The following CCR6 variants were observed in gnomAD, a reference collection of about 807,000 sequenced individuals.
CCR6 encodes C-C chemokine receptor type 6.
Under a neutral mutation model 3.0 loss-of-function variants are expected in CCR6, and 2 were observed. The ratio of observed to expected loss-of-function variants is 0.66; its 90% confidence interval spans 0.27 to 2.07. The LOEUF (loss-of-function observed/expected upper bound fraction) is 2.07. Ranked by LOEUF, CCR6 falls within the 30% of genes most tolerant of loss-of-function variation. CCR6 has a pLI of 0.14. For missense variants in CCR6, 322 were observed against 462.8 expected, an observed-to-expected ratio of 0.70 and a Z score of 2.79; for synonymous variants, 193 against 184.3, an observed-to-expected ratio of 1.05 and a Z score of -0.38.
chr6:167,136,253 T>G lies in CCR6; in HGVS notation c.23T>G (p.Phe8Cys), dbSNP rs1023318886. The G allele has an allele frequency of 6.2e-7, 1 of 1,606,760 alleles. No individual in the cohort carries two copies. The highest frequency in any genetic ancestry group is 8.5e-7 in the Non-Finnish European group (1 of 1,175,438). The change falls in exon 3 of 3, where the codon TTC (phenylalanine) becomes TGC (cysteine). Residue 8 changes from phenylalanine to cysteine, a missense_variant. Phe to Cys is a radical substitution (Grantham distance 205, BLOSUM62 -2). Transcript: ENST00000341935. This position sits in a 1 kb window ranked among gnomAD's most constrained non-coding sequence, Gnocchi z 4.6. Reference sequence around the variant, plus strand: ...TTTCCTTTCCAGGAATCAATGAATTTCAGCGATGTTTTCGACTCCAGTGAA... The same window carrying G: ...TTTCCTTTCCAGGAATCAATGAATTGCAGCGATGTTTTCGACTCCAGTGAA... Reference protein sequence around the residue: MSGESMNFSDVFDSSEDY... With the variant: MSGESMNCSDVFDSSEDY...
At chr6:167,114,625 C>T (rs889668025) in intron 1 of CCR6, among the ~76,000 whole-genome samples, 1 of 152,214 alleles carries the variant, frequency 6.6e-6, no homozygotes, top group African/African-American at 2.4e-5. Context: ...ATGCAGAGCC[C>T]CCTGGCCGAG....
intron 1 of CCR6, among the ~76,000 whole-genome samples, chr6:167,125,496 G>C (rs1582996472): frequency 6.6e-6 from 1 of 152,206 alleles, no homozygotes; most frequent in East Asian, 1.9e-4. Context: ...CTCCCTGAGA[G>C]TGTGTGCTGT....
At chr6:167,135,997 C>A in intron 1 of CCR6, 41 bp from the exon 2 acceptor site, 1 of 862,674 alleles carries the variant, frequency 1.2e-6, no homozygotes, top group Non-Finnish European at 1.9e-6. Flanking sequence ...CCAGGAATAC[C>A]TGTGTTAACT....
chr6:167,131,004 G>T (rs1781753904), intron 1 of CCR6, among the ~76,000 whole-genome samples: 1 of 84,356 alleles, frequency 1.2e-5, no homozygotes, highest in Non-Finnish European at 2.3e-5. Context: ...CTCCCTTTGG[G>T]ACCCCTCCTT....
chr6:167,119,974 A>G (rs569755608), upstream of CCR6, among the ~76,000 whole-genome samples: 1 of 152,350 alleles, frequency 6.6e-6, no homozygotes, highest in Admixed American at 6.5e-5. Context: ...AAACCAACAA[A>G]TGACGCTTTT....
At chr6:167,117,258 C>T (rs1276926019) in intron 1 of CCR6, among the ~76,000 whole-genome samples, 1 of 151,976 alleles carries the variant, frequency 6.6e-6, no homozygotes, top group Non-Finnish European at 1.5e-5. Flanking sequence ...ACCACAGCCT[C>T]TGCATCCTGC....
chr6:167,124,979 CAT>C (rs1338832946), intron 1 of CCR6, among the ~76,000 whole-genome samples: 2 of 152,268 alleles, frequency 1.3e-5, no homozygotes, highest in East Asian at 1.9e-4. Context: ...TGTATACACA[CAT>C]GTGCACACCT....
intron 1 of CCR6, among the ~76,000 whole-genome samples, chr6:167,123,977 T>G (rs1781627877): frequency 6.6e-6 from 1 of 152,086 alleles, no homozygotes; most frequent in African/African-American, 2.4e-5. Context: ...CCAGGCATTG[T>G]GGCATGTGCC....
At chr6:167,128,793 C>CA (rs1781710286) in intron 1 of CCR6, among the ~76,000 whole-genome samples, 1 of 152,170 alleles carries the variant, frequency 6.6e-6, no homozygotes, top group Non-Finnish European at 1.5e-5. Context: ...ATGCTGGTCT[C>CA]AAACTCCTGA....
chr6:167,117,451 C>G (rs1377166558), intron 1 of CCR6, among the ~76,000 whole-genome samples: 1 of 117,730 alleles, frequency 8.5e-6, no homozygotes, highest in Admixed American at 1.2e-4. Context: ...GAGTTTCGCT[C>G]TGTCGCCCAG....
chr6:167,129,793 C>T (rs1273600386), intron 1 of CCR6, among the ~76,000 whole-genome samples: 3 of 151,534 alleles, frequency 2.0e-5, no homozygotes, highest in Non-Finnish European at 2.9e-5. Flanking sequence ...CAGGGTACCC[C>T]GGGTCCTGTG....
At position 167,137,331 on chromosome 6, in the gene CCR6, C is replaced by T. The variant is rs971520634; in HGVS notation, c.1101C>T (p.Asp367=). The stretch of plus-strand genomic sequence containing the variant: ...AGACCAGTGAGACCGCAGATAACGA[C>T]AATGCGTCGTCCTTCACTATGTGAT... ...SRQTSETADN[D]NASSFTM The change falls in exon 3 of 3, where the codon GAC becomes GAT. Residue 367 remains aspartate (D), a synonymous_variant. Coordinates refer to ENST00000341935, the MANE Select transcript of CCR6 (RefSeq NM_031409.4). The surrounding 1 kb of genome is among the most constrained non-coding windows in gnomAD (Gnocchi z 4.6). The T allele has an allele frequency of 2.5e-6, 4 of 1,613,080 alleles. No homozygotes were observed. The highest frequency in any genetic ancestry group is 1.7e-5 in the Admixed American group (1 of 59,912).
At chr6:167,135,607 A>G (rs1781837797) in intron 1 of CCR6, among the ~76,000 whole-genome samples, 1 of 152,236 alleles carries the variant, frequency 6.6e-6, no homozygotes, top group African/African-American at 2.4e-5. Context: ...TCACACTTCT[A>G]TAGATTTTGT....
upstream of CCR6, among the ~76,000 whole-genome samples, chr6:167,120,663 T>C (rs999845426): frequency 6.6e-6 from 1 of 152,244 alleles, no homozygotes; most frequent in Non-Finnish European, 1.5e-5. Context: ...TTTACCAAAC[T>C]GTCCCTGGCT....
chr6:167,121,951 C>T (rs945348447), upstream of CCR6, among the ~76,000 whole-genome samples: 1 of 152,146 alleles, frequency 6.6e-6, no homozygotes, highest in South Asian at 2.1e-4. Flanking sequence ...TGGACAAACC[C>T]GGGAAAATGG....
rs1297798180 is a variant in CCR6, at chr6:167,137,333, A to G, written c.1103A>G (p.Asn368Ser). The G allele has an allele frequency of 6.2e-7, 1 of 1,613,098 alleles. No homozygotes were observed. Among genetic ancestry groups the G allele is most frequent in the East Asian group, 2.2e-5 (1 of 44,886 alleles). Residue 368 changes from asparagine to serine, a missense_variant, in exon 3 of 3, where the codon AAT becomes AGT. Asn to Ser is a conservative substitution (Grantham distance 46). Coordinates refer to ENST00000341935, the MANE Select transcript of CCR6 (RefSeq NM_031409.4). The surrounding 1 kb of genome is among the most constrained non-coding windows in gnomAD (Gnocchi z 4.6). ...RQTSETADND[N>S]ASSFTM ...ACCAGTGAGACCGCAGATAACGACA[A>G]TGCGTCGTCCTTCACTATGTGATAG...
chr6:167,130,984 T>TCCGGGA (rs1562559633), intron 1 of CCR6, among the ~76,000 whole-genome samples: 2 of 24,090 alleles, frequency 8.3e-5, no homozygotes, highest in Admixed American at 4.0e-4. Context: ...CCACCCTCCC[T>TCCGGGA]CTGGACCCCC....
chr6:167,120,131 G>A (rs1320664908), upstream of CCR6, among the ~76,000 whole-genome samples: 1 of 152,142 alleles, frequency 6.6e-6, no homozygotes, highest in Non-Finnish European at 1.5e-5. Flanking sequence ...TTGTGGCTCT[G>A]GGGGTCAACT....
In CCR6 at chr6:167,123,870, G is replaced by A. The variant is rs137887830; in HGVS notation, c.-98+647G>A. 2.4e-4 allele frequency among the ~76,000 whole-genome samples: 36 copies of A among 152,314 alleles called. No individual in the cohort carries two copies. In the East Asian group the frequency reaches 6.6e-3, roughly 28 times the overall value. Reference sequence around the variant, plus strand: ...CTCATACCTGTAATCTCAGCACTTTGGGAGACCAAGCTGGGTGTATCAGCT... The same window carrying A: ...CTCATACCTGTAATCTCAGCACTTTAGGAGACCAAGCTGGGTGTATCAGCT... On this transcript the variant is annotated intron_variant, in intron 1 of 2. Transcript: ENST00000341935.
Sources: allele counts gnomAD v4.1 joint callset (sites outside exome capture counted in the v4.1 genomes callset), GRCh38; gene constraint gnomAD v4.1.1; non-coding constraint Gnocchi (gnomAD v3.1); transcripts MANE v1.5; gene names NCBI Gene and HGNC (gene_info 2026-07-23, HGNC 2026-07-21).